The following L3MBTL3 variants were observed in gnomAD, a reference collection of about 807,000 sequenced individuals.
L3MBTL3 encodes the protein L3MBTL histone methyl-lysine binding protein 3.
L3MBTL3 carries 27 observed loss-of-function variants against 102.3 expected under a neutral mutation model. The ratio of observed to expected loss-of-function variants is 0.26; its 90% confidence interval spans 0.19 to 0.36. The LOEUF is 0.36. Among genes scored for constraint, L3MBTL3 ranks in the 10% least tolerant of loss-of-function variants. The pLI is 1.00. For synonymous variants in L3MBTL3, 340 were observed against 320.9 expected, an observed-to-expected ratio of 1.06 and a Z score of -0.64; for missense variants, 798 against 955.3, an observed-to-expected ratio of 0.84 and a Z score of 2.17.
chr6:130,045,910 G>C (rs529577348), intron 3 of L3MBTL3, among the ~76,000 whole-genome samples: 1 of 152,302 alleles, frequency 6.6e-6, no homozygotes, highest in East Asian at 1.9e-4. Context: ...AAATATTATA[G>C]TCATTAAAAC....
At chr6:130,032,292 A>G (rs1296045701) in intron 2 of L3MBTL3, among the ~76,000 whole-genome samples, 1 of 152,204 alleles carries the variant, frequency 6.6e-6, no homozygotes, top group Non-Finnish European at 1.5e-5. Flanking sequence ...GAATTTTTTA[A>G]AAAACCTAGA....
intron 2 of L3MBTL3, among the ~76,000 whole-genome samples, chr6:130,031,667 AG>A (rs1457244015): frequency 6.6e-6 from 1 of 152,162 alleles, no homozygotes; most frequent in East Asian, 1.9e-4. Flanking sequence ...ACCATTCATT[AG>A]GCTCCTCCAA....
intron 13 of L3MBTL3, among the ~76,000 whole-genome samples, chr6:130,078,295 G>A (rs1311790917): frequency 6.6e-6 from 1 of 152,094 alleles, no homozygotes; most frequent in Non-Finnish European, 1.5e-5. Flanking sequence ...TTTTGCTGTA[G>A]TTGAAGTTAC....
intron 20 of L3MBTL3, among the ~76,000 whole-genome samples, chr6:130,121,626 T>C (rs1248626136): frequency 2.6e-5 from 4 of 152,174 alleles, no homozygotes; most frequent in Admixed American, 1.3e-4. Flanking sequence ...TCTTTAGTAT[T>C]GTTGATATCA....
At chr6:130,101,430 A>G (rs908272089) in intron 18 of L3MBTL3, among the ~76,000 whole-genome samples, 3 of 152,188 alleles carry the variant, frequency 2.0e-5, no homozygotes, top group Non-Finnish European at 4.4e-5. Context: ...GACACCTCCT[A>G]CTAGGGAGCC....
At chr6:130,072,605 G>C (rs1782708146) in intron 13 of L3MBTL3, among the ~76,000 whole-genome samples, 1 of 152,160 alleles carries the variant, frequency 6.6e-6, no homozygotes. Flanking sequence ...GAGCAGCCCT[G>C]CTGCAACCTT....
At chr6:130,094,412 T>C (rs1433834285) in intron 18 of L3MBTL3, 45 bp downstream of exon 18, 11 of 1,191,622 alleles carry the variant, frequency 9.2e-6, no homozygotes, top group Non-Finnish European at 1.2e-5. Context: ...AGGTGTTCCA[T>C]ATACATGTAT....
chr6:130,077,351 T>C lies in L3MBTL3; in HGVS notation c.1245-1207T>C, dbSNP rs185047072. ...ATGAAAATATGTATTGTAAAAAATA[T>C]AGTGATTGCAGCATGAACTTGGCAT... On this transcript the variant is annotated intron_variant, in intron 13 of 22. Coordinates refer to ENST00000361794, the MANE Select transcript of L3MBTL3 (RefSeq NM_032438.4). 2.5e-4 allele frequency among the ~76,000 whole-genome samples: 38 copies of C among 152,276 alleles called. 1 individual carries two copies. The highest frequency in any genetic ancestry group is 7.9e-4 in the African/African-American group (33 of 41,562).
At chr6:130,028,638 T>A (rs190740525) in intron 2 of L3MBTL3, among the ~76,000 whole-genome samples, 167 of 152,352 alleles carry the variant, frequency 1.1e-3, no homozygotes, top group Non-Finnish European at 1.9e-3. Flanking sequence ...AGAGTACTTA[T>A]CAGGCAGGAT....
At chr6:130,037,613 G>A (rs932664446) in intron 2 of L3MBTL3, among the ~76,000 whole-genome samples, 7 of 151,974 alleles carry the variant, frequency 4.6e-5, no homozygotes, top group Non-Finnish European at 1.0e-4. Flanking sequence ...CAGTCTTAAT[G>A]GTAGTGAAAT....
chr6:130,042,808 C>T lies in L3MBTL3; in HGVS notation c.102+7C>T. The T allele has an allele frequency of 6.4e-7, 1 of 1,565,094 alleles. No homozygotes were observed. Among genetic ancestry groups the T allele is most frequent in the South Asian group, 1.1e-5 (1 of 90,006 alleles). ...ACCAGGAAGTGACTTAAAGGTAAAC[C>T]CTCTTTATTACATACAATTATGTGT... is the stretch of plus-strand genomic sequence containing the variant. On this transcript the variant is annotated splice_region_variant and intron_variant, in intron 3 of 22. Coordinates refer to ENST00000361794, the MANE Select transcript of L3MBTL3 (RefSeq NM_032438.4).
chr6:130,064,717 T>G (rs1782133020), intron 10 of L3MBTL3, among the ~76,000 whole-genome samples: 1 of 152,010 alleles, frequency 6.6e-6, no homozygotes, highest in Non-Finnish European at 1.5e-5. Flanking sequence ...ATGAGCACCC[T>G]TGGGGAAAGG....
At chr6:130,031,373 T>C (rs1402641368) in intron 2 of L3MBTL3, among the ~76,000 whole-genome samples, 1 of 152,220 alleles carries the variant, frequency 6.6e-6, no homozygotes, top group Non-Finnish European at 1.5e-5. Flanking sequence ...CTCAGTGCCT[T>C]CCAAATGAGG....
At chr6:130,071,200 G>A in intron 13 of L3MBTL3, 73 bp downstream of exon 13, 1 of 1,326,470 alleles carries the variant, frequency 7.5e-7, no homozygotes, top group Non-Finnish European at 1.0e-6. Context: ...AACAGTAATA[G>A]TGCAACGCTT....
intron 19 of L3MBTL3, among the ~76,000 whole-genome samples, chr6:130,114,261 A>G (rs1785526819): frequency 6.6e-6 from 1 of 152,234 alleles, no homozygotes; most frequent in Non-Finnish European, 1.5e-5. Context: ...TTCAAAGTGC[A>G]GGGATAAGAT....
At chr6:130,110,293 A>T (rs1785269750) in intron 19 of L3MBTL3, among the ~76,000 whole-genome samples, 1 of 152,184 alleles carries the variant, frequency 6.6e-6, no homozygotes, top group Non-Finnish European at 1.5e-5. Context: ...TTTGGGCAGT[A>T]TGGCCATTTT....
intron 12 of L3MBTL3, 23 bp from the exon 13 acceptor site, chr6:130,070,953 A>G (rs1360606868): frequency 6.2e-7 from 1 of 1,608,178 alleles, no homozygotes; most frequent in East Asian, 2.2e-5. Context: ...CTTATCTCTA[A>G]TTAAATCTGT....
chr6:130,042,307 C>T (rs1780471357), intron 2 of L3MBTL3, among the ~76,000 whole-genome samples: 1 of 152,060 alleles, frequency 6.6e-6, no homozygotes, highest in Non-Finnish European at 1.5e-5. Flanking sequence ...TTATCCATAC[C>T]TACTTTTTTC....
At chr6:130,024,424 C>T (rs748825469) in intron 2 of L3MBTL3, among the ~76,000 whole-genome samples, 25 of 152,086 alleles carry the variant, frequency 1.6e-4, no homozygotes, top group Admixed American at 5.9e-4. Flanking sequence ...TGGAGATTAT[C>T]CAATCAATGT....
Sources: gnomAD v4.1 joint callset for allele counts (sites outside exome capture counted in the v4.1 genomes callset) on GRCh38, gnomAD v4.1.1 for gene constraint, MANE v1.5 for transcripts, NCBI Gene and HGNC (gene_info 2026-07-23, HGNC 2026-07-21) for gene names.